Variants in DRC3 observed in about 807,000 individuals in gnomAD.
DRC3 encodes the protein leucine rich repeat containing 48.
A neutral mutation model predicts 57.6 loss-of-function variants in DRC3; 45 were observed. That is an observed-to-expected ratio of 0.78 (90% CI 0.62 to 1.00). The LOEUF is 1.00. Among genes scored for constraint, DRC3 ranks in the 50% least tolerant of loss-of-function variants. DRC3 has a pLI of 0.00. For missense variants in DRC3, 655 were observed against 675.2 expected, an observed-to-expected ratio of 0.97 and a Z score of 0.33; for synonymous variants, 257 against 272.3, an observed-to-expected ratio of 0.94 and a Z score of 0.55.
At chr17:17,988,392 G>T (rs752835056) in intron 5 of DRC3, 4 of 385,340 alleles carry the variant, frequency 1.0e-5, no homozygotes, top group African/African-American at 2.1e-5. Context: ...ATACCTGTTA[G>T]TGTTGGGCGT....
intron 12 of DRC3, among the ~76,000 whole-genome samples, chr17:18,014,135 G>T (rs777723388): frequency 1.3e-5 from 2 of 152,122 alleles, no homozygotes; most frequent in Non-Finnish European, 2.9e-5. Flanking sequence ...GGCCAGGCTG[G>T]TCTTGAACTC....
At chr17:18,011,084 A>G (rs1391523731) in intron 12 of DRC3, 9 of 214,166 alleles carry the variant, frequency 4.2e-5, no homozygotes, top group Non-Finnish European at 7.5e-5. Flanking sequence ...CAGCCTCCCG[A>G]GTAGCTGGGA....
intron 3 of DRC3, among the ~76,000 whole-genome samples, chr17:17,982,879 G>T (rs2042774211): frequency 1.3e-5 from 2 of 152,152 alleles, no homozygotes; most frequent in African/African-American, 4.8e-5. Context: ...CATCCTTAAT[G>T]AGCATATTCT....
rs1448993928 is a variant in DRC3 at position 18,003,517 on chromosome 17, G to T, written c.1000-846G>T. Reference sequence around the variant, plus strand: ...AAAAAAAAAAAAAAAAAAAAAAAAAGAATGGTTTCTTTCCTCCTGGTACAG... The same window carrying T: ...AAAAAAAAAAAAAAAAAAAAAAAAATAATGGTTTCTTTCCTCCTGGTACAG... On this transcript the variant is annotated intron_variant, in intron 9 of 13. Coordinates refer to ENST00000399187, the MANE Select transcript of DRC3 (RefSeq NM_031294.4). Among the ~76,000 whole-genome samples, 6 of 65,656 alleles carry T rather than the reference G, an allele frequency of 9.1e-5. No homozygotes were observed. The South Asian group carries it at 1.6e-3, about 17-fold the overall frequency. 43.1% of individuals were successfully genotyped at this position (65,656 alleles called of 152,430 possible).
chr17:18,000,225 T>C (rs1281125726), intron 9 of DRC3, among the ~76,000 whole-genome samples: 1 of 146,274 alleles, frequency 6.8e-6, no homozygotes, highest in Non-Finnish European at 1.5e-5. Context: ...TAGCATGCCG[T>C]TCTGTACTTT....
In DRC3 at chr17:17,994,382, C is replaced by A. The variant is rs762271823; in HGVS notation, c.675C>A (p.Asp225Glu). Residue 225 changes from aspartate (D) to glutamate (E), a missense_variant, in exon 7 of 14, where the codon GAC (aspartate) becomes GAA (glutamate). Transcript: ENST00000399187. ...ACCTGATGCAGGCCCAGCTGGAGGA[C>A]GAGCAGGCGCAGCGGGAGGAGCTAG... ...QENLMQAQLE[D>E]EQAQREELEK... The A allele has an allele frequency of 1.3e-6, 2 of 1,554,442 alleles. No individual in the cohort carries two copies. The highest frequency in any genetic ancestry group is 2.0e-5 in the Admixed American group (1 of 51,154).
In DRC3 at chr17:18,011,157, A is replaced by G. The variant is rs189551483; in HGVS notation, c.1326+4010A>G. On this transcript the variant is annotated intron_variant, in intron 12 of 13. Transcript: ENST00000399187. ...TTTTTAGTAGAGATGGGGTTTCTCC[A>G]TGTTGGTCAGGCTGGTCTCAAACTC... The G allele has an allele frequency of 4.8e-3, 1,048 of 219,280 alleles. 10 individuals are homozygous for G. Among genetic ancestry groups the G allele is most frequent in the African/African-American group, 0.024 (998 of 42,158 alleles). The allele number at this position is 219,280 out of a possible 1,614,324, so 13.6% of individuals were successfully genotyped here. A position where few individuals can be genotyped will look rare whatever the true frequency, so the allele number is the denominator to read the frequency against.
intron 3 of DRC3, among the ~76,000 whole-genome samples, chr17:17,982,502 ACCACGCCTGGC>A (rs1456946246): frequency 1.3e-5 from 2 of 151,188 alleles, no homozygotes; most frequent in Non-Finnish European, 2.9e-5. Flanking sequence ...GGCGTGAGCC[ACCACGCCTGGC>A]CCACAGCACC....
At chr17:17,994,018 C>A in intron 6 of DRC3, 1 of 379,888 alleles carries the variant, frequency 2.6e-6, no homozygotes, top group South Asian at 2.3e-5. Context: ...GCTGTGGCTC[C>A]TGCCCTGGAG....
intron 9 of DRC3, among the ~76,000 whole-genome samples, chr17:18,000,258 G>A (rs923460895): frequency 6.7e-6 from 1 of 150,358 alleles, no homozygotes; most frequent in Non-Finnish European, 1.5e-5. Context: ...GTGTGTGTGT[G>A]TGTGTGTGTG....
chr17:18,015,240 ATTAAG>A (rs1568553620), intron 12 of DRC3: 1 of 152,222 alleles, frequency 6.6e-6, no homozygotes, highest in Non-Finnish European at 1.5e-5. Flanking sequence ...TTTAGAGACC[ATTAAG>A]TTAACTGCCA....
At chr17:17,982,549 G>C (rs185757276) in intron 3 of DRC3, among the ~76,000 whole-genome samples, 1 of 143,376 alleles carries the variant, frequency 7.0e-6, no homozygotes, top group Non-Finnish European at 1.5e-5. Context: ...TTTCACTTCT[G>C]TATTATTTCA....
chr17:18,010,907 A>T, intron 12 of DRC3: 1 of 281,072 alleles, frequency 3.6e-6, no homozygotes, highest in East Asian at 1.1e-4. Flanking sequence ...GAGATCATTG[A>T]CTTTTTCCTG....
rs1252484272 is a variant in DRC3 at position 18,016,057 on chromosome 17, T to A, written c.1327-7T>A. 1 of 1,613,016 alleles carries A rather than the reference T, an allele frequency of 6.2e-7. No homozygotes were observed. The highest frequency in any genetic ancestry group is 1.3e-5 in the African/African-American group (1 of 75,044). Reference sequence around the variant, plus strand: ...CACTTTCTCATTGGATTCTTTTCACTCACCAGCTTTTTGTCGATAAAGATA... The same window carrying A: ...CACTTTCTCATTGGATTCTTTTCACACACCAGCTTTTTGTCGATAAAGATA... On this transcript the variant is annotated splice_polypyrimidine_tract_variant and splice_region_variant and intron_variant, in intron 12 of 13. Transcript: ENST00000399187.
intron 5 of DRC3, among the ~76,000 whole-genome samples, chr17:17,991,242 T>G (rs576495068): frequency 6.6e-6 from 1 of 152,088 alleles, no homozygotes; most frequent in Admixed American, 6.6e-5. Flanking sequence ...TTTTCTATCT[T>G]TTGCATAGTA....
chr17:17,994,389 G>C lies in DRC3; in HGVS notation c.682G>C (p.Ala228Pro), dbSNP rs1235186383. The C allele has an allele frequency of 1.3e-6, 2 of 1,553,866 alleles. No homozygotes were observed. Among genetic ancestry groups the C allele is most frequent in the Non-Finnish European group, 1.7e-6 (2 of 1,148,574 alleles). ...LMQAQLEDEQ[A>P]QREELEKHKT... ...GCAGGCCCAGCTGGAGGACGAGCAG[G>C]CGCAGCGGGAGGAGCTAGAGAAGCA... Residue 228 changes from alanine (A) to proline (P), a missense_variant, in exon 7 of 14, where the codon GCG becomes CCG. By Grantham distance (27) the Ala-to-Pro change is conservative. Transcript: ENST00000399187.
chr17:17,980,323 C>G (rs1181609563), intron 3 of DRC3, among the ~76,000 whole-genome samples: 1 of 151,964 alleles, frequency 6.6e-6, no homozygotes, highest in Non-Finnish European at 1.5e-5. Context: ...GCTCTGCCGC[C>G]CAGCCCAGGC....
chr17:17,985,365 G>C (rs375635013), intron 4 of DRC3, among the ~76,000 whole-genome samples: 1 of 152,242 alleles, frequency 6.6e-6, no homozygotes, highest in East Asian at 1.9e-4. Flanking sequence ...GGGGGTGCTA[G>C]AGCAGTGAGG....
intron 3 of DRC3, among the ~76,000 whole-genome samples, chr17:17,978,741 T>TA (rs2042512874): frequency 6.6e-6 from 1 of 151,424 alleles, no homozygotes; most frequent in African/African-American, 2.4e-5. Context: ...CCGGGAGGGG[T>TA]AAAGGGGCAC....
Sources: gnomAD v4.1 joint callset for allele counts (sites outside exome capture counted in the v4.1 genomes callset) on GRCh38, gnomAD v4.1.1 for gene constraint, MANE v1.5 for transcripts, NCBI Gene and HGNC (gene_info 2026-07-23, HGNC 2026-07-21) for gene names.